ITSN1: variants seen among roughly 807,000 people sequenced by gnomAD.
ITSN1 encodes intersectin-1.
A neutral mutation model predicts 239.8 loss-of-function variants in ITSN1; 58 were observed. The ratio of observed to expected loss-of-function variants is 0.24; its 90% CI spans 0.20 to 0.30. ITSN1 has a LOEUF of 0.30. ITSN1 is among the 10% of genes least tolerant of loss of function. ITSN1 has a pLI of 1.00. For missense variants in ITSN1, 1,558 were observed against 2,103.3 expected (o/e 0.74, Z 5.07); for synonymous variants, 780 against 770.8 (o/e 1.01, Z -0.20).
rs1205700977 is a variant in ITSN1, at chr21:33,865,496, G to C, written c.4074+162G>C. Among the ~76,000 whole-genome samples the C allele has an allele frequency of 6.6e-6, 1 of 152,250 alleles. No individual in the cohort carries two copies. Among genetic ancestry groups the C allele is most frequent in the African/African-American group, 2.4e-5 (1 of 41,462 alleles). ...TTAGGGGACTGGCACTCACTGGCAA[G>C]TGTGGCTGTCACCAAAGGGGTGGGC... On this transcript the variant is annotated intron_variant, in intron 32 of 39. Coordinates refer to ENST00000381318, the MANE Select transcript of ITSN1 (RefSeq NM_003024.3). The surrounding 1 kb of genome is among the most constrained non-coding windows in gnomAD (Gnocchi z 4.4).
In ITSN1 at chr21:33,856,775, C is replaced by T. The variant is rs1275928791; in HGVS notation, c.3701C>T (p.Thr1234Ile). 8.7e-6 allele frequency: 14 copies of T among 1,614,036 alleles called. No homozygotes were observed. The highest frequency in any genetic ancestry group is 1.1e-5 in the South Asian group (1 of 91,078). The change falls in exon 30 of 40, where the codon ACT becomes ATT. Residue 1234 changes from threonine to isoleucine, a missense_variant. Thr to Ile is a moderately conservative substitution (Grantham distance 89). This residue lies in a region of ITSN1 where 576 missense variants were observed against 893.3 expected (regional missense o/e 0.64). Coordinates refer to ENST00000381318, the MANE Select transcript of ITSN1 (RefSeq NM_003024.3). ...CATCTCTTGGATATGTTGACCCCAACTGAAAGAAAGCGACAAGGATACATC... is the reference window on the plus strand; with the variant it reads ...CATCTCTTGGATATGTTGACCCCAATTGAAAGAAAGCGACAAGGATACATC... Reference protein sequence around the residue: ...DLHLLDMLTPTERKRQGYIHE... With the variant: ...DLHLLDMLTPIERKRQGYIHE...
chr21:33,650,934 A>G (rs2088465094), intron 1 of ITSN1, among the ~76,000 whole-genome samples: 1 of 152,222 alleles, frequency 6.6e-6, no homozygotes, highest in Admixed American at 6.5e-5. Context: ...CAGTTATTAC[A>G]ATTGTTGTTT....
At chr21:33,866,277 A>G (rs898583250) in intron 32 of ITSN1, among the ~76,000 whole-genome samples, 1 of 152,212 alleles carries the variant, frequency 6.6e-6, no homozygotes, top group African/African-American at 2.4e-5. Flanking sequence ...CTCTGAGGTC[A>G]TTCCAAGGGG....
intron 28 of ITSN1, among the ~76,000 whole-genome samples, chr21:33,835,134 G>C (rs1291521174): frequency 2.0e-5 from 3 of 152,182 alleles, no homozygotes; most frequent in Admixed American, 2.0e-4. Flanking sequence ...AATACCTTGT[G>C]GTTAAATATC....
At chr21:33,849,473 C>T (rs185273040) in intron 29 of ITSN1, among the ~76,000 whole-genome samples, 25 of 147,684 alleles carry the variant, frequency 1.7e-4, no homozygotes, top group Admixed American at 1.3e-3. Flanking sequence ...GGCTGAGGCA[C>T]GAGAATTGCT....
At chr21:33,684,754 A>C (rs1189119511) in intron 1 of ITSN1, among the ~76,000 whole-genome samples, 4 of 152,158 alleles carry the variant, frequency 2.6e-5, no homozygotes, top group Non-Finnish European at 4.4e-5. Flanking sequence ...AATCTAGAGT[A>C]GGTAATTTCC....
intron 13 of ITSN1, 35 bp from the exon 14 acceptor site, chr21:33,774,931 AAC>A (rs1200080065): frequency 1.2e-6 from 2 of 1,603,922 alleles, no homozygotes; most frequent in East Asian, 4.5e-5. Context: ...AACCATTAAA[AAC>A]AGTAATAATT....
Position 33,888,363 on chromosome 21 carries a change from T to C in ITSN1, c.*63T>C. The C allele has an allele frequency of 6.8e-7, 1 of 1,477,380 alleles. No homozygotes were observed. The highest frequency in any genetic ancestry group is 9.1e-7 in the Non-Finnish European group (1 of 1,095,998). The allele number at this position is 1,477,380 out of a possible 1,614,324, so 91.5% of individuals were successfully genotyped here. On this transcript the variant is annotated 3_prime_UTR_variant, in exon 40 of 40. Coordinates refer to ENST00000381318, the MANE Select transcript of ITSN1 (RefSeq NM_003024.3). Reference sequence around the variant, plus strand: ...CACGGCCACACATGCTGTCTGGAAATTGTATTCCTTTTCTAAGAAACCACC... The same window carrying C: ...CACGGCCACACATGCTGTCTGGAAACTGTATTCCTTTTCTAAGAAACCACC...
At chr21:33,886,232 T>TGG in intron 38 of ITSN1, 55 bp from the exon 39 acceptor site, 1 of 1,182,034 alleles carries the variant, frequency 8.5e-7, no homozygotes, top group South Asian at 1.6e-5. Flanking sequence ...AAAAAAAGAG[T>TGG]GGAGATCAAA....
chr21:33,706,779 GT>G (rs1163199175), intron 1 of ITSN1, among the ~76,000 whole-genome samples: 1 of 152,006 alleles, frequency 6.6e-6, no homozygotes, highest in Non-Finnish European at 1.5e-5. Flanking sequence ...TTGGCGTGCT[GT>G]TGCACAATCT....
chr21:33,747,692 C>T (rs920754779), intron 5 of ITSN1, among the ~76,000 whole-genome samples: 16 of 152,186 alleles, frequency 1.1e-4, no homozygotes, highest in African/African-American at 3.1e-4. Flanking sequence ...TTCAAAATGC[C>T]GCAAGAAAAA....
rs763118856 is a variant in ITSN1, at chr21:33,718,827, C to A, written c.-2C>A. On this transcript the variant is annotated 5_prime_UTR_variant, in exon 2 of 40. Transcript: ENST00000381318. ...GATTAGCAAGGTAAAAGTAACAGAA[C>A]CATGGCTCAGTTTCCAACACCTTTT... is the stretch of plus-strand genomic sequence containing the variant. 3 of 1,613,356 alleles carry A rather than the reference C, an allele frequency of 1.9e-6. No individual in the cohort carries two copies. The Admixed American group carries it at 5.0e-5, about 27-fold the overall frequency.
intron 1 of ITSN1, among the ~76,000 whole-genome samples, chr21:33,693,057 AAGT>A (rs2091622737): frequency 6.6e-6 from 1 of 152,148 alleles, no homozygotes; most frequent in Non-Finnish European, 1.5e-5. Context: ...TCGCCTCCCG[AAGT>A]GCTGGGATTA....
chr21:33,783,836 A>G (rs1271785990), intron 16 of ITSN1, among the ~76,000 whole-genome samples: 1 of 152,128 alleles, frequency 6.6e-6, no homozygotes, highest in Non-Finnish European at 1.5e-5. Context: ...TTTTTCTAGA[A>G]ATTTGACTCC....
chr21:33,716,615 C>CGGGT (rs2065157987), intron 1 of ITSN1: 1 of 152,138 alleles, frequency 6.6e-6, no homozygotes, highest in African/African-American at 2.4e-5. Context: ...GCTTGCCACC[C>CGGGT]ACGCTGAGCT....
chr21:33,662,621 T>C (rs975058569), intron 1 of ITSN1, among the ~76,000 whole-genome samples: 6 of 152,204 alleles, frequency 3.9e-5, no homozygotes, highest in African/African-American at 1.2e-4. Flanking sequence ...CTTGGTATTA[T>C]CTAGGTACTG....
chr21:33,734,220 T>C (rs1456412809), intron 4 of ITSN1, among the ~76,000 whole-genome samples: 1 of 152,222 alleles, frequency 6.6e-6, no homozygotes, highest in African/African-American at 2.4e-5. Flanking sequence ...GTTTTGATGA[T>C]ATAATGTAGT....
At chr21:33,699,112 G>A (rs2091909338) in intron 1 of ITSN1, among the ~76,000 whole-genome samples, 1 of 151,950 alleles carries the variant, frequency 6.6e-6, no homozygotes, top group Non-Finnish European at 1.5e-5. Context: ...TGTTTCTGAG[G>A]ATGTTTTTAT....
intron 29 of ITSN1, chr21:33,838,549 G>A: frequency 1.3e-6 from 1 of 758,576 alleles, no homozygotes; most frequent in Non-Finnish European, 1.6e-6. Context: ...GTGGTGGTGA[G>A]GAACCAAGCA....
Sources: allele counts gnomAD v4.1 joint callset (sites outside exome capture counted in the v4.1 genomes callset), GRCh38; gene constraint gnomAD v4.1.1; regional missense constraint gnomAD v4.1.1; non-coding constraint Gnocchi (gnomAD v3.1); transcripts MANE v1.5; gene names NCBI Gene and HGNC (gene_info 2026-07-23, HGNC 2026-07-21).